MAGI2: variants seen among roughly 807,000 people sequenced by gnomAD.
MAGI2 encodes membrane-associated guanylate kinase, WW and PDZ domain-containing protein 2.
In MAGI2, 35 loss-of-function variants were observed where a neutral mutation model predicts 133.3. The observed-to-expected ratio is 0.26, with a 90% CI of 0.20 to 0.35. The LOEUF (loss-of-function observed/expected upper bound fraction) is 0.35. Ranked by LOEUF, MAGI2 falls within the 10% of genes least tolerant of loss-of-function variation. The pLI, the probability that MAGI2 is intolerant of heterozygous loss-of-function variation, is 1.00. For missense variants in MAGI2, 1,636 were observed against 1,863.4 expected (o/e 0.88, Z 2.25); for synonymous variants, 729 against 710.6 (o/e 1.03, Z -0.41).
intron 1 of MAGI2, among the ~76,000 whole-genome samples, chr7:79,207,014 C>T (rs1041506821): frequency 1.3e-5 from 2 of 151,822 alleles, no homozygotes; most frequent in East Asian, 1.9e-4. Context: ...ATTTAACAAC[C>T]TTTGACAATG....
rs998279080 is a variant in MAGI2 at position 78,132,995 on chromosome 7, G to T, written c.3097C>A (p.Leu1033Met). Residue 1033 changes from leucine to methionine, a missense_variant, in exon 18 of 22, where the codon CTG (leucine) becomes ATG (methionine). Physicochemically the swap from Leu to Met is conservative, Grantham distance 15. Transcript: ENST00000354212. Reference sequence around the variant, plus strand: ...TGGGCCAGGGGACTCTGCTGTGCCAGGGGACTCTGCTGCGCCATGGGACTC... The same window carrying T: ...TGGGCCAGGGGACTCTGCTGTGCCATGGGACTCTGCTGCGCCATGGGACTC... ...KQSPMAQQSP[L>M]AQQSPLAQPS... 14 of 1,610,806 alleles carry T rather than the reference G, an allele frequency of 8.7e-6. No individual in the cohort carries two copies. The African/African-American group carries it at 1.1e-4, about 12-fold the overall frequency.
chr7:79,148,195 G>T (rs1822836213), intron 1 of MAGI2, among the ~76,000 whole-genome samples: 1 of 152,174 alleles, frequency 6.6e-6, no homozygotes, highest in Non-Finnish European at 1.5e-5. Context: ...TTATTGCTGG[G>T]CTGGATTGGA....
chr7:78,025,759 C>G (rs1808848894), intron 21 of MAGI2, among the ~76,000 whole-genome samples: 1 of 152,142 alleles, frequency 6.6e-6, no homozygotes, highest in Non-Finnish European at 1.5e-5. Flanking sequence ...AGGAAGCCAG[C>G]CACAGAAATA....
Position 78,126,193 on chromosome 7 carries a change from G to GGTGTGTGTGTGTGT in MAGI2, c.3424-370_3424-357dup, listed in dbSNP as rs3085805. Among the ~76,000 whole-genome samples the GGTGTGTGTGTGTGT allele has an allele frequency of 1.4e-3, 214 of 149,116 alleles. 2 individuals carry two copies. Among genetic ancestry groups the GGTGTGTGTGTGTGT allele is most frequent in the African/African-American group, 2.1e-3 (83 of 40,326 alleles). ...TATTGAGCACCATAAATAAATGTCA[G>GGTGTGTGTGTGTGT]GTGTGTGTGTGTGTGTGTGTGTGTG... On this transcript the variant is annotated intron_variant, in intron 19 of 21. Coordinates refer to ENST00000354212, the MANE Select transcript of MAGI2 (RefSeq NM_012301.4).
rs560100267 is a variant in MAGI2, at chr7:78,256,247, C to T, written c.1743G>A (p.Thr581=). 67 of 1,614,052 alleles carry T rather than the reference C, an allele frequency of 4.2e-5. No homozygotes were observed. Among genetic ancestry groups the T allele is most frequent in the Non-Finnish European group, 5.3e-5 (62 of 1,179,996 alleles). Residue 581 remains threonine (T), a synonymous_variant, in exon 10 of 22, where the codon ACG becomes ACA. Coordinates refer to ENST00000354212, the MANE Select transcript of MAGI2 (RefSeq NM_012301.4). The part of the protein sequence containing the change: ...SMPTDGQLDG[T]YPPPVHDDNV... ...TGTCATCATGGACGGGCGGTGGATACGTGCCGTCTAGCTGACCATCAGTTG... is the reference window on the plus strand; with the variant it reads ...TGTCATCATGGACGGGCGGTGGATATGTGCCGTCTAGCTGACCATCAGTTG...
chr7:78,106,262 C>CGT (rs1818681309), intron 20 of MAGI2, among the ~76,000 whole-genome samples: 1 of 152,038 alleles, frequency 6.6e-6, no homozygotes, highest in African/African-American at 2.4e-5. Flanking sequence ...CATCCATTGA[C>CGT]GGACACTTAA....
At chr7:79,344,372 A>G (rs903978779) in intron 1 of MAGI2, among the ~76,000 whole-genome samples, 4 of 152,146 alleles carry the variant, frequency 2.6e-5, no homozygotes, top group Non-Finnish European at 5.9e-5. Context: ...CTAGCAATGC[A>G]AAGAGAAATG....
intron 9 of MAGI2, among the ~76,000 whole-genome samples, chr7:78,316,932 A>G (rs1422591857): frequency 2.6e-5 from 4 of 152,138 alleles, no homozygotes; most frequent in Non-Finnish European, 4.4e-5. Flanking sequence ...TATTTTCCCT[A>G]CCCTTGCTTC....
chr7:79,252,659 C>G (rs937287542), intron 1 of MAGI2, among the ~76,000 whole-genome samples: 1 of 152,098 alleles, frequency 6.6e-6, no homozygotes, highest in African/African-American at 2.4e-5. Context: ...TTGGATACCC[C>G]ATTTACCTTC....
At chr7:79,219,449 C>T (rs1830275426) in intron 1 of MAGI2, among the ~76,000 whole-genome samples, 1 of 152,020 alleles carries the variant, frequency 6.6e-6, no homozygotes, top group African/African-American at 2.4e-5. Context: ...CTTTCCTCTA[C>T]TTCAAAAAAT....
At chr7:78,877,126 T>G (rs1318082257) in intron 2 of MAGI2, among the ~76,000 whole-genome samples, 1 of 152,220 alleles carries the variant, frequency 6.6e-6, no homozygotes, top group Non-Finnish European at 1.5e-5. Context: ...TTAGGGAGTG[T>G]TATAAACGTC....
At chr7:78,524,286 A>G (rs2150595704) in intron 3 of MAGI2, among the ~76,000 whole-genome samples, 1 of 152,324 alleles carries the variant, frequency 6.6e-6, no homozygotes, top group South Asian at 2.1e-4. Flanking sequence ...GAATGCTGGC[A>G]GGTAGAAATG....
At chr7:78,573,329 TATAAATATATATATATAG>T (rs1801889867) in intron 3 of MAGI2, among the ~76,000 whole-genome samples, 6 of 73,130 alleles carry the variant, frequency 8.2e-5, no homozygotes, top group African/African-American at 3.9e-4. Context: ...TAAATATATA[TATAAATATATATATATAG>T]AGAGAGAGAA....
chr7:79,407,015 C>T (rs1845851882), intron 1 of MAGI2, among the ~76,000 whole-genome samples: 2 of 151,974 alleles, frequency 1.3e-5, no homozygotes, highest in African/African-American at 4.8e-5. Flanking sequence ...CACAGTAGGA[C>T]CAATGATTTT....
intron 1 of MAGI2, among the ~76,000 whole-genome samples, chr7:79,136,561 T>A (rs924549547): frequency 6.6e-6 from 1 of 152,192 alleles, no homozygotes; most frequent in African/African-American, 2.4e-5. Flanking sequence ...AGGGAAGAAA[T>A]TCTTCTAAAT....
intron 2 of MAGI2, among the ~76,000 whole-genome samples, chr7:78,748,158 T>TAAA (rs11301409): frequency 1.3e-5 from 2 of 149,344 alleles, no homozygotes; most frequent in Non-Finnish European, 1.5e-5. Context: ...CTTGAGGATT[T>TAAA]AAAAAAAAAA....
At chr7:78,068,649 A>G (rs1427732941) in intron 21 of MAGI2, among the ~76,000 whole-genome samples, 1 of 152,142 alleles carries the variant, frequency 6.6e-6, no homozygotes, top group Non-Finnish European at 1.5e-5. Flanking sequence ...TGTTTGTTCC[A>G]CTGGAAATGA....
At chr7:78,544,907 CT>C (rs1798695406) in intron 3 of MAGI2, among the ~76,000 whole-genome samples, 1 of 151,718 alleles carries the variant, frequency 6.6e-6, no homozygotes, top group Non-Finnish European at 1.5e-5. Flanking sequence ...GATTTGCCTG[CT>C]TTGGCCTCCC....
At position 79,304,930 on chromosome 7, in the gene MAGI2, T is replaced by C. The variant is rs933310387; in HGVS notation, c.301+148090A>G. Among the ~76,000 whole-genome samples the C allele has an allele frequency of 3.3e-5, 5 of 152,340 alleles. No individual in the cohort carries two copies. The South Asian group carries it at 1.0e-3, about 32-fold the overall frequency. On this transcript the variant is annotated intron_variant, in intron 1 of 21. Transcript: ENST00000354212. ...GGAAAGGTCACAGTGCTTATGTGGC[T>C]GGGTAACGGAAGTCTAGTGCATGAT...
Sources: gnomAD v4.1 joint callset for allele counts (sites outside exome capture counted in the v4.1 genomes callset) on GRCh38, gnomAD v4.1.1 for gene constraint, MANE v1.5 for transcripts, NCBI Gene and HGNC (gene_info 2026-07-23, HGNC 2026-07-21) for gene names.